GLYATL1: variants seen among roughly 807,000 people sequenced by gnomAD.
GLYATL1 encodes the protein glycine-N-acyltransferase like 1, also known as glycine N-acyltransferase-like protein 1.
In GLYATL1, 15 loss-of-function variants were observed where a neutral mutation model predicts 20.0. The observed-to-expected ratio is 0.75, with a 90% CI of 0.50 to 1.15. GLYATL1 has a LOEUF of 1.15. GLYATL1 is among the 50% of genes most tolerant of loss of function. The pLI is 0.00. For synonymous variants in GLYATL1, 151 were observed against 131.5 expected, an observed-to-expected ratio of 1.15 and a Z score of -1.01; for missense variants, 380 against 368.5, an observed-to-expected ratio of 1.03 and a Z score of -0.26.
intron 1 of GLYATL1, chr11:58,927,979 T>A (rs1296874330): frequency 6.6e-6 from 1 of 152,212 alleles, no homozygotes; most frequent in Non-Finnish European, 1.5e-5. Flanking sequence ...TTAAAGCCCA[T>A]AACGTTAAAG....
chr11:58,920,292 T>G (rs2135112527), intron 1 of GLYATL1, among the ~76,000 whole-genome samples: 1 of 152,282 alleles, frequency 6.6e-6, no homozygotes, highest in South Asian at 2.1e-4. Flanking sequence ...AGAGTTCTCT[T>G]TCTTTGTAAA....
chr11:58,911,905 C>A (rs1855053987), downstream of GLYATL1, among the ~76,000 whole-genome samples: 1 of 152,114 alleles, frequency 6.6e-6, no homozygotes, highest in African/African-American at 2.4e-5. Flanking sequence ...AATCTAAGAT[C>A]ACAAAAATCA....
intron 5 of GLYATL1, 116 bp from the exon 6 acceptor site, chr11:58,955,060 C>A: frequency 1.6e-6 from 2 of 1,228,436 alleles, no homozygotes; most frequent in Non-Finnish European, 2.3e-6. Flanking sequence ...CTCCATCTGA[C>A]TGTGGTGTAA....
chr11:58,906,476 T>G (rs773773457), intron 1 of GLYATL1, among the ~76,000 whole-genome samples: 1 of 151,974 alleles, frequency 6.6e-6, no homozygotes, highest in Admixed American at 6.5e-5. Flanking sequence ...GTTCCTGGGG[T>G]GTAGTGAGGG....
exon 2 of GLYATL1, chr11:58,907,567 T>C (rs1379927266): frequency 2.8e-6 from 1 of 356,944 alleles, no homozygotes; most frequent in Non-Finnish European, 5.5e-6. Flanking sequence ...TAATGACTTT[T>C]AATGTTCCTG....
chr11:58,947,988 G>T, intron 4 of GLYATL1, 23 bp downstream of exon 4: 1 of 1,537,900 alleles, frequency 6.5e-7, no homozygotes, highest in Non-Finnish European at 9.0e-7. Context: ...ACAGGGACTG[G>T]TGGAGCCAGG....
intron 1 of GLYATL1, among the ~76,000 whole-genome samples, chr11:58,919,509 T>C (rs957154549): frequency 5.9e-5 from 9 of 152,238 alleles, no homozygotes; most frequent in Non-Finnish European, 1.3e-4. Context: ...CCACCAATGC[T>C]GGTTCATTGT....
chr11:58,955,148 A>C, intron 5 of GLYATL1, 28 bp from the exon 6 acceptor site: 6 of 1,603,502 alleles, frequency 3.7e-6, no homozygotes, highest in Non-Finnish European at 5.1e-6. Flanking sequence ...CATGTCTGAC[A>C]AGATTGCTTT....
chr11:58,911,907 C>T (rs1444276820), downstream of GLYATL1, among the ~76,000 whole-genome samples: 1 of 152,094 alleles, frequency 6.6e-6, no homozygotes, highest in Middle Eastern at 3.2e-3. Flanking sequence ...TCTAAGATCA[C>T]AAAAATCATT....
chr11:58,943,205 A>G, intron 1 of GLYATL1: 1 of 1,406,094 alleles, frequency 7.1e-7, no homozygotes, highest in Non-Finnish European at 9.3e-7. Context: ...CATCAGACAA[A>G]ATTGAAAACC....
upstream of GLYATL1, among the ~76,000 whole-genome samples, chr11:58,924,054 C>T (rs1347767724): frequency 2.0e-5 from 3 of 152,196 alleles, no homozygotes; most frequent in African/African-American, 7.2e-5. Context: ...TACGCTGAGA[C>T]ACTGATACTC....
chr11:58,909,536 A>G (rs1854988911), downstream of GLYATL1, among the ~76,000 whole-genome samples: 1 of 152,200 alleles, frequency 6.6e-6, no homozygotes, highest in Non-Finnish European at 1.5e-5. Context: ...CGCATTCTGT[A>G]TGTCTAAAAC....
At chr11:58,949,421 T>C (rs1176875212) in intron 4 of GLYATL1, among the ~76,000 whole-genome samples, 1 of 152,216 alleles carries the variant, frequency 6.6e-6, no homozygotes, top group Non-Finnish European at 1.5e-5. Context: ...TTCCTGACAA[T>C]TTGGGATCAA....
At chr11:58,918,507 A>G (rs1019148584) in intron 1 of GLYATL1, among the ~76,000 whole-genome samples, 13 of 152,182 alleles carry the variant, frequency 8.5e-5, no homozygotes, top group African/African-American at 3.1e-4. Context: ...TGTAGTATGC[A>G]TGCAGGGAGG....
intron 4 of GLYATL1, among the ~76,000 whole-genome samples, chr11:58,949,785 A>T (rs1565133043): frequency 6.6e-6 from 1 of 152,124 alleles, no homozygotes; most frequent in Non-Finnish European, 1.5e-5. Flanking sequence ...CAGTATTGAA[A>T]GTCAATCTGA....
In GLYATL1 at chr11:58,952,462, C is replaced by G. The variant is rs1050769538; in HGVS notation, c.187-2308C>G. ...AGATTTGGCATTAGGATCTTTTCATCTGTTACCAAAGTCTACTATTAAAAT... is the reference window on the plus strand; with the variant it reads ...AGATTTGGCATTAGGATCTTTTCATGTGTTACCAAAGTCTACTATTAAAAT... On this transcript the variant is annotated intron_variant, in intron 4 of 6. Coordinates refer to ENST00000532726, the MANE Select transcript of GLYATL1 (RefSeq NM_001389712.2). 3.3e-5 allele frequency among the ~76,000 whole-genome samples: 5 copies of G among 152,174 alleles called. 1 individual carries two copies. Among genetic ancestry groups the G allele is most frequent in the Admixed American group, 2.0e-4 (3 of 15,280 alleles).
intron 4 of GLYATL1, among the ~76,000 whole-genome samples, chr11:58,953,268 G>A (rs908776509): frequency 2.0e-5 from 3 of 152,028 alleles, no homozygotes; most frequent in African/African-American, 7.2e-5. Flanking sequence ...TTATTCTTGA[G>A]GGATAACATC....
chr11:58,906,283 C>T (rs943292270), intron 1 of GLYATL1, among the ~76,000 whole-genome samples: 9 of 152,196 alleles, frequency 5.9e-5, no homozygotes, highest in African/African-American at 2.2e-4. Flanking sequence ...AAGAGTGTTA[C>T]TCCTGAAAAG....
rs745607857 is a variant in GLYATL1 at position 58,955,658 on chromosome 11, G to A, written c.540G>A (p.Gly180=). 5 of 1,614,144 alleles carry A rather than the reference G, an allele frequency of 3.1e-6. No homozygotes were observed. Among genetic ancestry groups the A allele is most frequent in the Non-Finnish European group, 4.2e-6 (5 of 1,180,028 alleles). The change falls in exon 7 of 7, where the codon GGG becomes GGA. Residue 180 remains glycine, a synonymous_variant. Transcript: ENST00000532726. ...KYAQLDVSYS[G]LVNDNWKRGK... ...CCCAGCTGGATGTCTCTTATTCTGG[G>A]CTGGTAAATGACAACTGGAAGCGAG...
Sources: allele counts gnomAD v4.1 joint callset (sites outside exome capture counted in the v4.1 genomes callset), GRCh38; gene constraint gnomAD v4.1.1; transcripts MANE v1.5; gene names NCBI Gene and HGNC (gene_info 2026-07-23, HGNC 2026-07-21).